AMD1: variants seen among roughly 807,000 people sequenced by gnomAD.
AMD1 encodes the protein adenosylmethionine decarboxylase 1, also known as S-adenosylmethionine decarboxylase proenzyme.
A neutral mutation model predicts 40.2 loss-of-function variants in AMD1; 11 were observed. The ratio of observed to expected loss-of-function variants is 0.27; its 90% CI spans 0.17 to 0.45. AMD1 has a LOEUF of 0.45. Ranked by LOEUF, AMD1 falls within the 20% of genes least tolerant of loss-of-function variation. AMD1 has a pLI of 1.00. For missense variants in AMD1, 257 were observed against 410.2 expected, an observed-to-expected ratio of 0.63 and a Z score of 3.23; for synonymous variants, 121 against 130.8, an observed-to-expected ratio of 0.93 and a Z score of 0.51.
At chr6:110,833,675 CCTCTTAAA>C in the AMD1 span, among the ~76,000 whole-genome samples, 1 of 152,094 alleles carries the variant, frequency 6.6e-6, no homozygotes, top group African/African-American at 2.4e-5. Context: ...TAGACTAACT[CCTCTTAAA>C]CTCTTTGGCC....
the AMD1 span, among the ~76,000 whole-genome samples, chr6:110,868,031 A>G: frequency 6.6e-6 from 1 of 152,076 alleles, no homozygotes; most frequent in African/African-American, 2.4e-5. Flanking sequence ...GGCTACGTTG[A>G]CCAGGCTGGT....
chr6:110,880,811 T>C (rs141635257), intron 1 of AMD1, among the ~76,000 whole-genome samples: 1,837 of 152,274 alleles, frequency 0.012, 25 homozygotes, highest in Non-Finnish European at 0.017. Context: ...TAGCTGGGAC[T>C]ACAAGCCTGC....
At chr6:110,864,131 G>C in the AMD1 span, 1 of 172,366 alleles carries the variant, frequency 5.8e-6, no homozygotes, top group African/African-American at 2.4e-5. Context: ...AGCTAATTTT[G>C]TATTTTTATT....
chr6:110,872,497 C>T (rs533494753), upstream of AMD1, among the ~76,000 whole-genome samples: 3 of 152,256 alleles, frequency 2.0e-5, no homozygotes, highest in East Asian at 3.9e-4. Context: ...AAGATGGTCA[C>T]TCTTGATAGA....
chr6:110,868,312 T>C, the AMD1 span, among the ~76,000 whole-genome samples: 1 of 152,076 alleles, frequency 6.6e-6, no homozygotes, highest in African/African-American at 2.4e-5. Context: ...CACACCTGGC[T>C]AATTTTTTTG....
the AMD1 span, among the ~76,000 whole-genome samples, chr6:110,850,069 T>A: frequency 6.6e-6 from 1 of 150,632 alleles, no homozygotes; most frequent in African/African-American, 2.4e-5. Flanking sequence ...AACTCTCAGT[T>A]CAAAGAATAG....
chr6:110,844,844 A>C, the AMD1 span, among the ~76,000 whole-genome samples: 2 of 152,084 alleles, frequency 1.3e-5, no homozygotes, highest in African/African-American at 4.8e-5. Context: ...GTAATTTATA[A>C]AGAAAAGATG....
the AMD1 span, among the ~76,000 whole-genome samples, chr6:110,854,377 G>A: frequency 6.6e-6 from 1 of 152,098 alleles, no homozygotes; most frequent in Non-Finnish European, 1.5e-5. Flanking sequence ...TAACTTTTAT[G>A]TAGGGCAGCA....
the AMD1 span, among the ~76,000 whole-genome samples, chr6:110,837,745 A>AATATATAT: frequency 0.026 from 463 of 17,818 alleles, 14 homozygotes; most frequent in Middle Eastern, 0.071. Flanking sequence ...AAAAAAAAAA[A>AATATATAT]ATATATATAT....
intron 4 of AMD1, 56 bp from the exon 5 acceptor site, chr6:110,892,105 A>C: frequency 6.3e-7 from 1 of 1,584,854 alleles, no homozygotes; most frequent in South Asian, 1.1e-5. Context: ...GGTAGTAACA[A>C]ACCATCCTAT....
At chr6:110,872,333 G>A (rs1278617997), upstream of AMD1, among the ~76,000 whole-genome samples, 1 of 152,112 alleles carries the variant, frequency 6.6e-6, no homozygotes, top group Non-Finnish European at 1.5e-5. Context: ...ATTTGAGTAA[G>A]ATCTTAATAG....
At position 110,893,978 on chromosome 6, in the gene AMD1, G is replaced by GATCT; in HGVS notation, c.*363_*364insTCTA. 3.3e-5 allele frequency: 7 copies of GATCT among 212,196 alleles called. No individual in the cohort carries two copies. The highest frequency in any genetic ancestry group is 1.6e-4 in the South Asian group (2 of 12,758). 13.1% of individuals were successfully genotyped at this position (212,196 alleles called of 1,614,324 possible). A position where few individuals can be genotyped will look rare whatever the true frequency, so the allele number is the denominator to read the frequency against. ...CAAGTATCATCCAAAATTCCCCACA[G>GATCT]ACAAGGCTTTCGTCCTCATTAGGTG... is the stretch of plus-strand genomic sequence containing the variant. On this transcript the variant is annotated 3_prime_UTR_variant, in exon 9 of 9. Coordinates refer to ENST00000368885, the MANE Select transcript of AMD1 (RefSeq NM_001634.6).
chr6:110,863,419 G>A, the AMD1 span, among the ~76,000 whole-genome samples: 1 of 150,380 alleles, frequency 6.6e-6, no homozygotes, highest in Non-Finnish European at 1.5e-5. Flanking sequence ...TCCCAGGCAG[G>A]AGTGAAGAGG....
At chr6:110,830,616 A>T in the AMD1 span, among the ~76,000 whole-genome samples, 1 of 152,142 alleles carries the variant, frequency 6.6e-6, no homozygotes, top group Admixed American at 6.6e-5. Context: ...CTGAGCTGCT[A>T]CTCTGGGCAC....
chr6:110,884,608 C>T (rs1785588703), intron 1 of AMD1, among the ~76,000 whole-genome samples: 1 of 151,960 alleles, frequency 6.6e-6, no homozygotes, highest in Admixed American at 6.6e-5. Context: ...TGCCTTTTTT[C>T]TTTTTAAGAG....
At position 110,874,845 on chromosome 6, in the gene AMD1, G is replaced by A. The variant is rs1785011160; in HGVS notation, c.-261G>A. 1 of 407,830 alleles carries A rather than the reference G, an allele frequency of 2.5e-6. No homozygotes were observed. The highest frequency in any genetic ancestry group is 2.1e-5 in the African/African-American group (1 of 48,588). The allele number at this position is 407,830 out of a possible 1,614,324, so 25.3% of individuals were successfully genotyped here. On this transcript the variant is annotated 5_prime_UTR_variant, in exon 1 of 9. Transcript: ENST00000368885. ...TCGCTCTACTCTCTCTAACGGGAAA[G>A]CAGCGGAATACAAGAGACTGAACTG...
At chr6:110,862,614 G>A in the AMD1 span, among the ~76,000 whole-genome samples, 2 of 150,898 alleles carry the variant, frequency 1.3e-5, no homozygotes, top group South Asian at 2.1e-4. Flanking sequence ...TTACCAGCTC[G>A]CATCACCACG....
At chr6:110,855,858 A>G in the AMD1 span, among the ~76,000 whole-genome samples, 7 of 152,146 alleles carry the variant, frequency 4.6e-5, no homozygotes, top group African/African-American at 1.7e-4. Context: ...AGGAGGGTGG[A>G]TCACTTGAGT....
At chr6:110,875,348 C>T (rs947541289) in intron 1 of AMD1, 133 bp downstream of exon 1, 78 of 764,388 alleles carry the variant, frequency 1.0e-4, no homozygotes, top group Admixed American at 5.0e-4. Context: ...GTCGCTTCGG[C>T]GGCCTTGGAA....
Sources: gnomAD v4.1 joint callset for allele counts (sites outside exome capture counted in the v4.1 genomes callset) on GRCh38, gnomAD v4.1.1 for gene constraint, MANE v1.5 for transcripts, NCBI Gene and HGNC (gene_info 2026-07-23, HGNC 2026-07-21) for gene names.